PTPRM: variants seen among roughly 807,000 people sequenced by gnomAD.
PTPRM encodes the protein receptor-type tyrosine-protein phosphatase mu.
A neutral mutation model predicts 186.7 loss-of-function variants in PTPRM; 47 were observed. That is an observed-to-expected ratio of 0.25 (90% confidence interval 0.20 to 0.32). The LOEUF (loss-of-function observed/expected upper bound fraction) is 0.32. Ranked by LOEUF, PTPRM falls within the 10% of genes least tolerant of loss-of-function variation. The pLI, the probability that PTPRM is intolerant of heterozygous loss-of-function variation, is 1.00. For synonymous variants in PTPRM, 668 were observed against 674.9 expected, an observed-to-expected ratio of 0.99 and a Z score of 0.16; for missense variants, 1,494 against 1,865.0, an observed-to-expected ratio of 0.80 and a Z score of 3.66.
At chr18:7,914,829 C>T (rs565176115) in intron 4 of PTPRM, among the ~76,000 whole-genome samples, 33 of 152,182 alleles carry the variant, frequency 2.2e-4, no homozygotes, top group Middle Eastern at 3.4e-3. Context: ...CAATTTGCTT[C>T]CTTGTTTGTG....
chr18:7,827,456 T>C (rs1379505343), intron 2 of PTPRM, among the ~76,000 whole-genome samples: 1 of 152,224 alleles, frequency 6.6e-6, no homozygotes, highest in African/African-American at 2.4e-5. Context: ...ACAGCTGTAC[T>C]CTGGTTTACA....
chr18:7,903,826 T>A (rs2049833456), intron 3 of PTPRM, among the ~76,000 whole-genome samples: 1 of 152,238 alleles, frequency 6.6e-6, no homozygotes, highest in Non-Finnish European at 1.5e-5. Flanking sequence ...CTCTGGGCTC[T>A]GCTGATTGCT....
In PTPRM at chr18:8,087,205, C is replaced by G. The variant is rs183505262; in HGVS notation, c.1753+1333C>G. Among the ~76,000 whole-genome samples the G allele has an allele frequency of 3.3e-5, 5 of 152,002 alleles. No homozygotes were observed. In the South Asian group the frequency reaches 1.0e-3, roughly 32 times the overall value. On this transcript the variant is annotated intron_variant, in intron 10 of 32. Transcript: ENST00000580170. ...GAAATAAGTGCCAATATATATACCTCGAAGCATGTTTTAAGAAATTTTTCC... is the reference window on the plus strand; with the variant it reads ...GAAATAAGTGCCAATATATATACCTGGAAGCATGTTTTAAGAAATTTTTCC...
At chr18:7,985,430 TAG>T (rs1393516878) in intron 7 of PTPRM, among the ~76,000 whole-genome samples, 3 of 140,928 alleles carry the variant, frequency 2.1e-5, no homozygotes, top group African/African-American at 7.8e-5. Flanking sequence ...CATATACTGG[TAG>T]ATACGTATAT....
chr18:7,846,683 C>A (rs1013321266), intron 2 of PTPRM, among the ~76,000 whole-genome samples: 1 of 152,186 alleles, frequency 6.6e-6, no homozygotes, highest in African/African-American at 2.4e-5. Flanking sequence ...CCTAGGGAAG[C>A]GCACAGCCCT....
chr18:8,254,965 G>A (rs1440799233), intron 19 of PTPRM, among the ~76,000 whole-genome samples: 11 of 152,186 alleles, frequency 7.2e-5, no homozygotes, highest in Admixed American at 7.2e-4. Context: ...GGGTTTAATT[G>A]AAGTCCAGAA....
chr18:8,378,185 AT>A, intron 26 of PTPRM, 79 bp from the exon 27 acceptor site: 2 of 1,400,786 alleles, frequency 1.4e-6, no homozygotes, highest in Non-Finnish European at 2.0e-6. Flanking sequence ...TCTCTTGATG[AT>A]GTGGGGCTAA....
At chr18:7,907,875 A>G (rs976242279) in intron 4 of PTPRM, among the ~76,000 whole-genome samples, 4 of 151,070 alleles carry the variant, frequency 2.6e-5, no homozygotes, top group Non-Finnish European at 5.9e-5. Flanking sequence ...CAGCCATACA[A>G]ATTTCTCTGT....
At chr18:7,777,750 A>G (rs2042660485) in intron 2 of PTPRM, among the ~76,000 whole-genome samples, 1 of 152,246 alleles carries the variant, frequency 6.6e-6, no homozygotes, top group Admixed American at 6.5e-5. Flanking sequence ...GATTTCCTCT[A>G]TCATTGCCTT....
At chr18:7,791,911 A>AT (rs1462924461) in intron 2 of PTPRM, among the ~76,000 whole-genome samples, 1 of 152,152 alleles carries the variant, frequency 6.6e-6, no homozygotes, top group Non-Finnish European at 1.5e-5. Context: ...ACACAAGTAG[A>AT]TTTTTTCCTA....
At chr18:7,805,107 C>T (rs1485076214) in intron 2 of PTPRM, among the ~76,000 whole-genome samples, 1 of 152,224 alleles carries the variant, frequency 6.6e-6, no homozygotes, top group East Asian at 1.9e-4. Flanking sequence ...TTATCCTCTT[C>T]TTCTCAGAGG....
chr18:8,352,653 G>GTTTT (rs1355276752), intron 23 of PTPRM, among the ~76,000 whole-genome samples: 1 of 121,346 alleles, frequency 8.2e-6, no homozygotes, highest in African/African-American at 2.9e-5. Flanking sequence ...TTTTGGTTTG[G>GTTTT]TTTTTTTTGT....
intron 1 of PTPRM, among the ~76,000 whole-genome samples, chr18:7,615,926 A>C (rs2037792002): frequency 6.6e-6 from 1 of 152,146 alleles, no homozygotes; most frequent in Non-Finnish European, 1.5e-5. Flanking sequence ...AGGAGCGTGC[A>C]ACCTAGATCC....
intron 1 of PTPRM, among the ~76,000 whole-genome samples, chr18:7,712,229 G>A (rs1386340076): frequency 6.6e-6 from 1 of 152,100 alleles, no homozygotes; most frequent in Admixed American, 6.5e-5. Flanking sequence ...GGTCTGGAGC[G>A]GATCTCCAGC....
At chr18:8,243,177 G>A (rs1054801893) in intron 14 of PTPRM, among the ~76,000 whole-genome samples, 5 of 152,148 alleles carry the variant, frequency 3.3e-5, no homozygotes, top group African/African-American at 9.7e-5. Flanking sequence ...ACAGGTGTCA[G>A]TCATTTTAGA....
At chr18:7,610,330 G>A (rs979034240) in intron 1 of PTPRM, among the ~76,000 whole-genome samples, 85 of 152,124 alleles carry the variant, frequency 5.6e-4, no homozygotes, top group African/African-American at 1.8e-3. Flanking sequence ...AAATCTGGGT[G>A]TCTTAAAGTG....
At chr18:7,678,496 C>T (rs16952329) in intron 1 of PTPRM, among the ~76,000 whole-genome samples, 2,586 of 152,204 alleles carry the variant, frequency 0.017, 64 homozygotes, top group African/African-American at 0.059. Flanking sequence ...CTTGCCTGGA[C>T]GGGGCCCTGA....
chr18:8,338,642 A>T (rs186932559), intron 22 of PTPRM, among the ~76,000 whole-genome samples: 8 of 152,302 alleles, frequency 5.3e-5, no homozygotes, highest in African/African-American at 1.9e-4. Context: ...AATGGGGGTG[A>T]GCAATAGGAC....
At chr18:7,644,522 A>G (rs1309016719) in intron 1 of PTPRM, among the ~76,000 whole-genome samples, 1 of 152,178 alleles carries the variant, frequency 6.6e-6, no homozygotes, top group Non-Finnish European at 1.5e-5. Context: ...TGCCAAATCT[A>G]TTTGTAATTT....
Sources: gnomAD v4.1 joint callset for allele counts (sites outside exome capture counted in the v4.1 genomes callset) on GRCh38, gnomAD v4.1.1 for gene constraint, MANE v1.5 for transcripts, NCBI Gene and HGNC (gene_info 2026-07-23, HGNC 2026-07-21) for gene names.